DPP6: variants seen among roughly 807,000 people sequenced by gnomAD.
DPP6 encodes A-type potassium channel modulatory protein DPP6.
In DPP6, 69 loss-of-function variants were observed where a neutral mutation model predicts 122.6. That is an observed-to-expected ratio of 0.56 (90% confidence interval 0.46 to 0.69). The LOEUF is 0.69. DPP6 is among the 30% of genes least tolerant of loss of function. DPP6 has a pLI of 0.00. For synonymous variants in DPP6, 418 were observed against 433.1 expected (o/e 0.97, Z 0.43); for missense variants, 928 against 1,116.9 (o/e 0.83, Z 2.41).
At chr7:153,873,899 C>T in the DPP6 span, among the ~76,000 whole-genome samples, 3 of 152,254 alleles carry the variant, frequency 2.0e-5, no homozygotes, top group South Asian at 2.1e-4. Flanking sequence ...TTGTGGATTT[C>T]TATAGACTTG....
At chr7:154,469,709 A>C (rs191266855) in intron 2 of DPP6, among the ~76,000 whole-genome samples, 12 of 152,262 alleles carry the variant, frequency 7.9e-5, no homozygotes, top group Admixed American at 5.9e-4. Context: ...TAGCACCTGC[A>C]ACACATAGCA....
At chr7:153,973,753 T>C (rs1796152460) in intron 1 of DPP6, among the ~76,000 whole-genome samples, 1 of 150,740 alleles carries the variant, frequency 6.6e-6, no homozygotes, top group Non-Finnish European at 1.5e-5. Context: ...TTCTGAGGAT[T>C]CTTCCTGGTG....
At chr7:154,743,402 A>G (rs1460068278) in intron 8 of DPP6, among the ~76,000 whole-genome samples, 1 of 152,214 alleles carries the variant, frequency 6.6e-6, no homozygotes, top group Non-Finnish European at 1.5e-5. Context: ...CAAGGACAGG[A>G]GAAAAGAATG....
intron 1 of DPP6, among the ~76,000 whole-genome samples, chr7:154,187,664 A>AC (rs1299864301): frequency 6.6e-6 from 1 of 152,174 alleles, no homozygotes; most frequent in Non-Finnish European, 1.5e-5. Context: ...CGAGCAATGA[A>AC]CAGGATGTAA....
At chr7:154,404,057 C>T (rs1815868719) in intron 1 of DPP6, among the ~76,000 whole-genome samples, 2 of 152,158 alleles carry the variant, frequency 1.3e-5, no homozygotes, top group South Asian at 4.2e-4. Context: ...GAGATTAGCT[C>T]ATTATAGGTT....
At chr7:154,656,256 GA>G in intron 6 of DPP6, among the ~76,000 whole-genome samples, 1 of 14,724 alleles carries the variant, frequency 6.8e-5, no homozygotes, top group Non-Finnish European at 1.4e-4. Flanking sequence ...GAGGTGGGGG[GA>G]GAGCTGGGAG....
intron 2 of DPP6, among the ~76,000 whole-genome samples, chr7:154,456,106 T>C (rs1483101459): frequency 6.6e-6 from 1 of 152,186 alleles, no homozygotes; most frequent in African/African-American, 2.4e-5. Flanking sequence ...AAAGCTGTGA[T>C]ATAATAAAAT....
chr7:153,813,763 T>A, the DPP6 span, among the ~76,000 whole-genome samples: 7,483 of 151,760 alleles, frequency 0.049, 253 homozygotes, highest in Non-Finnish European at 0.075. Context: ...GATTTGCATT[T>A]CTCTGATGGC....
At chr7:154,231,517 A>G (rs1382257655) in intron 1 of DPP6, among the ~76,000 whole-genome samples, 1 of 152,208 alleles carries the variant, frequency 6.6e-6, no homozygotes, top group South Asian at 2.1e-4. Flanking sequence ...GTCTAATAGC[A>G]TAAAACAGGA....
intron 7 of DPP6, among the ~76,000 whole-genome samples, chr7:154,715,634 C>A (rs1841441437): frequency 6.6e-6 from 1 of 152,202 alleles, no homozygotes; most frequent in Non-Finnish European, 1.5e-5. Flanking sequence ...TGAGTGCTGA[C>A]ACCAAATGGA....
intron 5 of DPP6, among the ~76,000 whole-genome samples, chr7:154,632,745 T>G (rs1285847563): frequency 1.4e-5 from 2 of 147,696 alleles, no homozygotes; most frequent in Non-Finnish European, 3.0e-5. Flanking sequence ...AGTAGATGAG[T>G]GGCCAAAGAA....
intron 1 of DPP6, among the ~76,000 whole-genome samples, chr7:154,335,305 AAAAAC>A (rs536036517): frequency 6.7e-4 from 96 of 143,706 alleles, no homozygotes; most frequent in Admixed American, 1.6e-3. Context: ...GTATTTCTTA[AAAAAC>A]AAAACAAAAC....
At chr7:154,652,083 G>C (rs1836912061) in intron 6 of DPP6, among the ~76,000 whole-genome samples, 1 of 152,184 alleles carries the variant, frequency 6.6e-6, no homozygotes, top group Admixed American at 6.5e-5. Context: ...ACTGTCCTGA[G>C]AATTAGCAGT....
chr7:153,798,180 G>C, the DPP6 span, among the ~76,000 whole-genome samples: 18 of 152,206 alleles, frequency 1.2e-4, no homozygotes, highest in South Asian at 1.5e-3. Context: ...CCCATCATGG[G>C]AGCCTCACCT....
At chr7:154,890,895 C>G (rs1046852689) in intron 25 of DPP6, 1 of 152,258 alleles carries the variant, frequency 6.6e-6, no homozygotes, top group East Asian at 1.9e-4. Context: ...CAAAAACATA[C>G]AAAGAAGGCA....
intron 1 of DPP6, among the ~76,000 whole-genome samples, chr7:154,271,111 A>G (rs1439973045): frequency 6.6e-6 from 1 of 152,240 alleles, no homozygotes; most frequent in Non-Finnish European, 1.5e-5. Flanking sequence ...AATCCCACTC[A>G]GAAGACTGTG....
chr7:154,807,524 A>G (rs1234287897), intron 16 of DPP6, among the ~76,000 whole-genome samples: 2 of 152,214 alleles, frequency 1.3e-5, no homozygotes, highest in South Asian at 2.1e-4. Context: ...ATCATATTTA[A>G]GGATGATTGA....
intron 1 of DPP6, among the ~76,000 whole-genome samples, chr7:154,001,289 G>A (rs1314973283): frequency 6.7e-6 from 1 of 149,696 alleles, no homozygotes; most frequent in Non-Finnish European, 1.5e-5. Flanking sequence ...GACTTGAATG[G>A]TGGTGTGAAA....
rs1832007264 is a variant in DPP6, at chr7:154,580,724, G to GGAAGGAGAGGAGGATCCGGGGT, written c.627+13813_627+13834dup. Among the ~76,000 whole-genome samples, 4 of 152,304 alleles carry GGAAGGAGAGGAGGATCCGGGGT rather than the reference G, an allele frequency of 2.6e-5. No individual in the cohort carries two copies. The South Asian group carries it at 8.3e-4, about 32-fold the overall frequency. Reference sequence around the variant, plus strand: ...GGAAGGCCGACGGAGAAGAAAGCCTGGAAGGAGAGGAGGATCCGGGGTGAA... The same window carrying GGAAGGAGAGGAGGATCCGGGGT: ...GGAAGGCCGACGGAGAAGAAAGCCTGGAAGGAGAGGAGGATCCGGGGTGAAGGAGAGGAGGATCCGGGGTGAA... On this transcript the variant is annotated intron_variant, in intron 5 of 25. Coordinates refer to ENST00000377770, the MANE Select transcript of DPP6 (RefSeq NM_130797.4).
Sources: allele counts gnomAD v4.1 joint callset (sites outside exome capture counted in the v4.1 genomes callset), GRCh38; gene constraint gnomAD v4.1.1; transcripts MANE v1.5; gene names NCBI Gene and HGNC (gene_info 2026-07-23, HGNC 2026-07-21).